Variants in SLC35F3 observed in about 807,000 individuals in gnomAD.
SLC35F3 encodes the protein solute carrier family 35 member F3.
In SLC35F3, 25 loss-of-function variants were observed where a neutral mutation model predicts 49.9. The ratio of observed to expected loss-of-function variants is 0.50; its 90% CI spans 0.37 to 0.70. The LOEUF (loss-of-function observed/expected upper bound fraction) is 0.70. Among genes scored for constraint, SLC35F3 ranks in the 30% least tolerant of loss-of-function variants. The pLI is 0.00. For missense variants in SLC35F3, 525 were observed against 639.8 expected (o/e 0.82, Z 1.94); for synonymous variants, 275 against 265.4 (o/e 1.04, Z -0.35).
intron 2 of SLC35F3, among the ~76,000 whole-genome samples, chr1:233,925,087 T>G (rs1458311528): frequency 6.6e-6 from 1 of 152,206 alleles, no homozygotes; most frequent in African/African-American, 2.4e-5. Context: ...TGTGGTGTGG[T>G]GCTGAGAAGA....
intron 3 of SLC35F3, among the ~76,000 whole-genome samples, chr1:234,265,322 TTTTTTC>T (rs960205532): frequency 9.0e-5 from 13 of 145,204 alleles, no homozygotes; most frequent in African/African-American, 1.3e-4. Context: ...TATTTCTTCT[TTTTTTC>T]TTTTTCTTTT....
At chr1:234,074,201 C>T (rs948888463) in intron 2 of SLC35F3, among the ~76,000 whole-genome samples, 1 of 152,234 alleles carries the variant, frequency 6.6e-6, no homozygotes, top group East Asian at 1.9e-4. Flanking sequence ...GTCAAGGTCA[C>T]GGGTCACATG....
intron 2 of SLC35F3, among the ~76,000 whole-genome samples, chr1:234,210,879 G>A (rs1408254190): frequency 6.6e-6 from 1 of 152,212 alleles, no homozygotes; most frequent in African/African-American, 2.4e-5. Flanking sequence ...AGACAATGGG[G>A]AAAATGTCTC....
At chr1:234,103,124 G>A (rs1665236667) in intron 2 of SLC35F3, among the ~76,000 whole-genome samples, 1 of 152,172 alleles carries the variant, frequency 6.6e-6, no homozygotes, top group Admixed American at 6.5e-5. Flanking sequence ...GCAACATTGT[G>A]GGCAAAATTT....
intron 2 of SLC35F3, among the ~76,000 whole-genome samples, chr1:234,084,220 G>GACACACACACAC (rs34569981): frequency 3.4e-5 from 5 of 148,212 alleles, no homozygotes; most frequent in African/African-American, 9.9e-5. Context: ...ATAAGGAATA[G>GACACACACACAC]ACACACACAC....
chr1:234,167,470 A>G (rs1387778058), intron 2 of SLC35F3, among the ~76,000 whole-genome samples: 2 of 152,156 alleles, frequency 1.3e-5, no homozygotes, highest in African/African-American at 2.4e-5. Context: ...ATGGCTCCTC[A>G]GGCTATCCCA....
intron 2 of SLC35F3, among the ~76,000 whole-genome samples, chr1:234,222,319 T>C (rs1250489046): frequency 1.3e-5 from 2 of 152,182 alleles, no homozygotes; most frequent in Non-Finnish European, 2.9e-5. Flanking sequence ...GGGTAGGAGA[T>C]TAAGCCTGAG....
chr1:234,189,811 G>A (rs561047901), intron 2 of SLC35F3, among the ~76,000 whole-genome samples: 1 of 152,198 alleles, frequency 6.6e-6, no homozygotes, highest in East Asian at 1.9e-4. Flanking sequence ...CGTAAGAGCT[G>A]TAAGGCAAAA....
chr1:233,984,361 G>C (rs770126307), intron 2 of SLC35F3, among the ~76,000 whole-genome samples: 1 of 152,368 alleles, frequency 6.6e-6, no homozygotes, highest in Non-Finnish European at 1.5e-5. Context: ...AGAAAGGAAG[G>C]TGTTTCTTTG....
At chr1:233,969,426 T>C (rs750813929) in intron 2 of SLC35F3, among the ~76,000 whole-genome samples, 6 of 152,074 alleles carry the variant, frequency 3.9e-5, no homozygotes, top group Non-Finnish European at 7.4e-5. Context: ...GCGCCTCCCA[T>C]CCTTTGCCCT....
At chr1:234,108,848 A>G (rs1415105408) in intron 2 of SLC35F3, among the ~76,000 whole-genome samples, 2 of 146,908 alleles carry the variant, frequency 1.4e-5, no homozygotes, top group African/African-American at 2.5e-5. Flanking sequence ...TTCTTTAAAT[A>G]TGTTTCTCTC....
chr1:234,316,501 C>G, intron 4 of SLC35F3, 101 bp from the exon 5 acceptor site: 3 of 1,432,468 alleles, frequency 2.1e-6, no homozygotes, highest in Non-Finnish European at 2.8e-6. Context: ...TTTCCCCTCA[C>G]GTGGCTGAAC....
chr1:234,126,445 T>G (rs1376179485), intron 2 of SLC35F3, among the ~76,000 whole-genome samples: 1 of 147,750 alleles, frequency 6.8e-6, no homozygotes, highest in African/African-American at 2.5e-5. Flanking sequence ...ATATCGACAT[T>G]GATACAATCC....
intron 2 of SLC35F3, among the ~76,000 whole-genome samples, chr1:233,913,852 T>C (rs1321495094): frequency 6.6e-6 from 1 of 152,182 alleles, no homozygotes; most frequent in Non-Finnish European, 1.5e-5. Context: ...CAGTCTTATA[T>C]TGGGGTGTTC....
rs115687066 is a variant in SLC35F3, at chr1:234,086,928, G to A, written c.284-144489G>A. On this transcript the variant is annotated intron_variant, in intron 2 of 7. Transcript: ENST00000366618. ...ACATGTGAATAAATTTCTGACAGGC[G>A]TTAGCAATTGAATTTCCCCAGGTAT... 2.2e-3 allele frequency among the ~76,000 whole-genome samples: 336 copies of A among 152,288 alleles called. 2 individuals are homozygous for A. Among genetic ancestry groups the A allele is most frequent in the South Asian group, 4.6e-3 (22 of 4,828 alleles).
At chr1:234,130,335 A>T (rs577160539) in intron 2 of SLC35F3, among the ~76,000 whole-genome samples, 40 of 152,282 alleles carry the variant, frequency 2.6e-4, no homozygotes, top group Admixed American at 2.6e-3. Context: ...CCCACACAGT[A>T]ATTTTAATTT....
chr1:234,083,464 C>A (rs1664912725), intron 2 of SLC35F3, among the ~76,000 whole-genome samples: 1 of 152,156 alleles, frequency 6.6e-6, no homozygotes, highest in Non-Finnish European at 1.5e-5. Flanking sequence ...TTGAGTTGTT[C>A]CATTCTATAG....
At chr1:234,197,433 C>G (rs903031097) in intron 2 of SLC35F3, among the ~76,000 whole-genome samples, 8 of 152,194 alleles carry the variant, frequency 5.3e-5, no homozygotes, top group Non-Finnish European at 2.9e-5. Context: ...TCAGAGGAAC[C>G]TGGTCAAGGA....
intron 3 of SLC35F3, among the ~76,000 whole-genome samples, chr1:234,259,844 T>C (rs1261091619): frequency 1.3e-5 from 2 of 152,142 alleles, no homozygotes; most frequent in Non-Finnish European, 2.9e-5. Context: ...TAGATATCAC[T>C]ATATTCAGTG....
Sources: gnomAD v4.1 joint callset for allele counts (sites outside exome capture counted in the v4.1 genomes callset) on GRCh38, gnomAD v4.1.1 for gene constraint, MANE v1.5 for transcripts, NCBI Gene and HGNC (gene_info 2026-07-23, HGNC 2026-07-21) for gene names.